SYNE1: variants seen among roughly 807,000 people sequenced by gnomAD.
SYNE1 encodes the protein nesprin-1.
Under a neutral mutation model 1,111.0 loss-of-function variants are expected in SYNE1, and 616 were observed. That is an observed-to-expected ratio of 0.55 (90% CI 0.52 to 0.59). The LOEUF is 0.59. Ranked by LOEUF, SYNE1 falls within the 20% of genes least tolerant of loss-of-function variation. The pLI, the probability that SYNE1 is intolerant of heterozygous loss-of-function variation, is 0.00. For missense variants in SYNE1, 10,006 were observed against 10,417.0 expected, an observed-to-expected ratio of 0.96 and a Z score of 1.72; for synonymous variants, 3,855 against 3,825.8, an observed-to-expected ratio of 1.01 and a Z score of -0.28.
At chr6:152,358,579 C>T in intron 65 of SYNE1, 42 bp from the exon 66 acceptor site, 1 of 1,599,294 alleles carries the variant, frequency 6.3e-7, no homozygotes, top group South Asian at 1.1e-5. Flanking sequence ...GAACACATTA[C>T]TTTATAAAGC....
chr6:152,469,331 A>T (rs1377050334), intron 16 of SYNE1, among the ~76,000 whole-genome samples: 1 of 151,996 alleles, frequency 6.6e-6, no homozygotes, highest in African/African-American at 2.4e-5. Context: ...TATTATTATT[A>T]TCATCATCAT....
At chr6:152,399,876 C>T (rs1397922665) in intron 47 of SYNE1, 53 bp from the exon 48 acceptor site, 2 of 1,554,226 alleles carry the variant, frequency 1.3e-6, no homozygotes, top group Admixed American at 3.4e-5. Flanking sequence ...GAGAAATACT[C>T]CATTTACTTC....
chr6:152,334,237 C>T lies in SYNE1; in HGVS notation c.12565G>A (p.Val4189Met), dbSNP rs148204741. ...TTCACCTTTTCTATTATGGTGTTCA[C>T]GGATGCCTGTTTGCTCTGTAGTTTC... Reference protein sequence around the residue: ...VKKLQSKQASVNTIIEKVNKL... With the variant: ...VKKLQSKQASMNTIIEKVNKL... Residue 4189 changes from valine to methionine, a missense_variant, in exon 77 of 146, where the codon GTG becomes ATG. Val to Met is a conservative substitution (Grantham distance 21). Coordinates refer to ENST00000367255, the MANE Select transcript of SYNE1 (RefSeq NM_182961.4). 1,053 of 1,613,940 alleles carry T rather than the reference C, an allele frequency of 6.5e-4. 12 individuals carry two copies. In the South Asian group the frequency reaches 0.011, roughly 16 times the overall value.
intron 39 of SYNE1, among the ~76,000 whole-genome samples, chr6:152,424,181 T>C (rs1352075304): frequency 6.6e-6 from 1 of 152,222 alleles, no homozygotes; most frequent in Non-Finnish European, 1.5e-5. Flanking sequence ...TAATAGGTGA[T>C]TGGAGATCAG....
At chr6:152,603,473 T>A (rs2099601016) in intron 3 of SYNE1, among the ~76,000 whole-genome samples, 1 of 152,058 alleles carries the variant, frequency 6.6e-6, no homozygotes, top group South Asian at 2.1e-4. Context: ...TGAAGCCACA[T>A]CTCCTGACAT....
rs2097216337 is a variant in SYNE1 at position 152,373,082 on chromosome 6, C to G, written c.9462G>C (p.Trp3154Cys). Reference protein sequence around the residue: ...QAKVTAAKEDWKNFHSNLHQK... With the variant: ...QAKVTAAKEDCKNFHSNLHQK... ...GGTGGAGATTTGAATGAAAATTTTTCCAATCTTCTTTTGCAGCTGTAACTT... is the reference window on the plus strand; with the variant it reads ...GGTGGAGATTTGAATGAAAATTTTTGCAATCTTCTTTTGCAGCTGTAACTT... Residue 3154 changes from tryptophan to cysteine, a missense_variant, in exon 59 of 146, where the codon TGG (tryptophan) becomes TGC (cysteine). Coordinates refer to ENST00000367255, the MANE Select transcript of SYNE1 (RefSeq NM_182961.4). 6.2e-7 allele frequency: 1 copy of G among 1,614,064 alleles called. No individual in the cohort carries two copies. The highest frequency in any genetic ancestry group is 8.5e-7 in the Non-Finnish European group (1 of 1,180,016).
intron 136 of SYNE1, among the ~76,000 whole-genome samples, chr6:152,149,201 C>G (rs1176566735): frequency 6.6e-6 from 1 of 152,190 alleles, no homozygotes; most frequent in East Asian, 1.9e-4. Context: ...CTTCTAAACT[C>G]TTTGTATACA....
chr6:152,510,436 T>C, intron 7 of SYNE1, 65 bp from the exon 8 acceptor site: 2 of 1,561,176 alleles, frequency 1.3e-6, no homozygotes, highest in Non-Finnish European at 1.7e-6. Context: ...CCTCAGATGT[T>C]TTACTTTTCC....
chr6:152,298,271 G>A (rs1408220267), intron 93 of SYNE1, among the ~76,000 whole-genome samples: 1 of 152,198 alleles, frequency 6.6e-6, no homozygotes, highest in Non-Finnish European at 1.5e-5. Context: ...CTGCAACTCA[G>A]TGTGAGCTTT....
In SYNE1 at chr6:152,376,566, G is replaced by T; in HGVS notation, c.9147-8C>A. The stretch of plus-strand genomic sequence containing the variant: ...GATGCTTGCAAACAAAGACTGAAAA[G>T]GTGACGCAAAAATTTAATGGCAGGA... On this transcript the variant is annotated splice_polypyrimidine_tract_variant and splice_region_variant and intron_variant, in intron 57 of 145. Coordinates refer to ENST00000367255, the MANE Select transcript of SYNE1 (RefSeq NM_182961.4). The T allele has an allele frequency of 1.2e-6, 2 of 1,613,610 alleles. No homozygotes were observed. The highest frequency in any genetic ancestry group is 1.3e-5 in the African/African-American group (1 of 75,002).
At chr6:152,139,815 G>C in intron 140 of SYNE1, 135 bp downstream of exon 140, 1 of 850,168 alleles carries the variant, frequency 1.2e-6, no homozygotes, top group Non-Finnish European at 1.9e-6. Context: ...GGTGAGGAGA[G>C]CATTCTCACT....
At chr6:152,178,434 C>T (rs1282096158) in intron 129 of SYNE1, among the ~76,000 whole-genome samples, 1 of 152,078 alleles carries the variant, frequency 6.6e-6, no homozygotes, top group African/African-American at 2.4e-5. Context: ...TTAAGTTTTA[C>T]AATATCAAGT....
intron 16 of SYNE1, among the ~76,000 whole-genome samples, chr6:152,469,486 C>T (rs6908747): frequency 0.52 from 78,801 of 151,806 alleles, 22,197 homozygotes; most frequent in East Asian, 0.76. Flanking sequence ...CCACTACAAC[C>T]ATGCTGCCTC....
At chr6:152,420,362 G>A (rs553826520) in intron 39 of SYNE1, among the ~76,000 whole-genome samples, 1 of 152,270 alleles carries the variant, frequency 6.6e-6, no homozygotes, top group East Asian at 1.9e-4. Context: ...GCTCATGCCT[G>A]TAATCCCAAC....
chr6:152,322,897 CTT>C (rs1019967777), intron 82 of SYNE1, among the ~76,000 whole-genome samples: 10 of 152,308 alleles, frequency 6.6e-5, no homozygotes, highest in African/African-American at 2.4e-4. Flanking sequence ...CCTTTTCACA[CTT>C]GACTACAAAG....
At chr6:152,618,897 A>G (rs1583532318) in intron 3 of SYNE1, among the ~76,000 whole-genome samples, 1 of 152,212 alleles carries the variant, frequency 6.6e-6, no homozygotes, top group African/African-American at 2.4e-5. Flanking sequence ...ATATTCTTAT[A>G]CAGTAAATTC....
In SYNE1 at chr6:152,162,441, T is replaced by C. The variant is rs150896462; in HGVS notation, c.23790+1722A>G. Among the ~76,000 whole-genome samples the C allele has an allele frequency of 1.6e-4, 24 of 152,308 alleles. No homozygotes were observed. The East Asian group carries it at 4.3e-3, about 27-fold the overall frequency. ...TAGTAGGTGGGGCTATAAATACATATGATCAATTTGCCATATTTAACTAGA... is the reference window on the plus strand; with the variant it reads ...TAGTAGGTGGGGCTATAAATACATACGATCAATTTGCCATATTTAACTAGA... On this transcript the variant is annotated intron_variant, in intron 131 of 145. Coordinates refer to ENST00000367255, the MANE Select transcript of SYNE1 (RefSeq NM_182961.4).
intron 16 of SYNE1, among the ~76,000 whole-genome samples, chr6:152,467,063 TA>T (rs1393200111): frequency 2.0e-5 from 3 of 152,144 alleles, no homozygotes; most frequent in African/African-American, 7.2e-5. Flanking sequence ...TCTGGATTTT[TA>T]TTGATAACTG....
rs187330460 is a variant in SYNE1 at position 152,352,488 on chromosome 6, C to T, written c.11254-135G>A. 531 of 897,758 alleles carry T rather than the reference C, an allele frequency of 5.9e-4. 1 individual carries two copies. The highest frequency in any genetic ancestry group is 1.4e-3 in the Admixed American group (55 of 39,864). The allele number at this position is 897,758 out of a possible 1,614,324, so 55.6% of individuals were successfully genotyped here. A position where few individuals can be genotyped will look rare whatever the true frequency, so the allele number is the denominator to read the frequency against. On this transcript the variant is annotated intron_variant, in intron 69 of 145. Coordinates refer to ENST00000367255, the MANE Select transcript of SYNE1 (RefSeq NM_182961.4). The stretch of plus-strand genomic sequence containing the variant: ...CACAATCTTGGCTCACTGCAACTTC[C>T]GCCTCCTGGGTTCCAGCGATTCTCC...
Sources: allele counts gnomAD v4.1 joint callset (sites outside exome capture counted in the v4.1 genomes callset), GRCh38; gene constraint gnomAD v4.1.1; transcripts MANE v1.5; gene names NCBI Gene and HGNC (gene_info 2026-07-23, HGNC 2026-07-21).